RYR2: variants seen among roughly 807,000 people sequenced by gnomAD.
RYR2 encodes cardiac muscle ryanodine receptor-calcium release channel.
Under a neutral mutation model 601.1 loss-of-function variants are expected in RYR2, and 227 were observed. The observed-to-expected ratio is 0.38, with a 90% CI of 0.34 to 0.42. The LOEUF is 0.42. Among genes scored for constraint, RYR2 ranks in the 10% least tolerant of loss-of-function variants. The pLI is 1.00. For synonymous variants in RYR2, 2,223 were observed against 2,175.1 expected (o/e 1.02, Z -0.61); for missense variants, 4,646 against 6,156.5 (o/e 0.75, Z 8.21).
At chr1:237,378,372 A>G (rs1394777386) in intron 8 of RYR2, among the ~76,000 whole-genome samples, 1 of 152,262 alleles carries the variant, frequency 6.6e-6, no homozygotes, top group Non-Finnish European at 1.5e-5. Flanking sequence ...TAGTTTTGCC[A>G]GAGAGTAGTC....
chr1:237,071,413 A>G lies in RYR2; in HGVS notation c.48+28844A>G, dbSNP rs536275554. The stretch of plus-strand genomic sequence containing the variant: ...TAATTTTTCTATTTTTAGTAGAGAC[A>G]AGGTTTCACTATGTTGGCCAGGCTG... On this transcript the variant is annotated intron_variant, in intron 1 of 104. Transcript: ENST00000366574. 9.9e-5 allele frequency among the ~76,000 whole-genome samples: 15 copies of G among 151,944 alleles called. No homozygotes were observed. The East Asian group carries it at 2.7e-3, about 28-fold the overall frequency.
Position 237,042,487 on chromosome 1 carries a change from C to G in RYR2, c.-35C>G. ...GCCGCCGCCGCCGAGCTCCGCGGGG[C>G]TCGGGAGCCGGCCCCGGCGAGGAGG... On this transcript the variant is annotated 5_prime_UTR_variant, in exon 1 of 105. Transcript: ENST00000366574. 1 of 1,244,888 alleles carries G rather than the reference C, an allele frequency of 8.0e-7. No individual in the cohort carries two copies. The highest frequency in any genetic ancestry group is 1.0e-6 in the Non-Finnish European group (1 of 986,112). The allele number at this position is 1,244,888 out of a possible 1,614,324, so 77.1% of individuals were successfully genotyped here.
chr1:237,099,412 A>C (rs1386576628), intron 1 of RYR2, among the ~76,000 whole-genome samples: 1 of 151,676 alleles, frequency 6.6e-6, no homozygotes, highest in Admixed American at 6.6e-5. Context: ...TAATTTTTAA[A>C]TTTTTCGTAG....
intron 1 of RYR2, among the ~76,000 whole-genome samples, chr1:237,103,660 C>T (rs926794195): frequency 6.6e-6 from 1 of 152,208 alleles, no homozygotes. Flanking sequence ...CATCCACCTG[C>T]CAGATTCAAG....
At chr1:237,801,367 CAA>C (rs71162423) in intron 97 of RYR2, among the ~76,000 whole-genome samples, 8,356 of 95,226 alleles carry the variant, frequency 0.088, 254 homozygotes, top group African/African-American at 0.23. Context: ...CCCATCTCTA[CAA>C]AAAAAAAAAA....
At chr1:237,671,544 TGA>T (rs140139821) in intron 58 of RYR2, among the ~76,000 whole-genome samples, 2 of 151,248 alleles carry the variant, frequency 1.3e-5, no homozygotes, top group South Asian at 2.1e-4. Context: ...TGTGTGCGTG[TGA>T]GAGAGAGAGA....
At chr1:237,391,714 A>G (rs1319583983) in intron 10 of RYR2, among the ~76,000 whole-genome samples, 4 of 152,126 alleles carry the variant, frequency 2.6e-5, no homozygotes, top group Non-Finnish European at 5.9e-5. Context: ...CAGTAGAGTT[A>G]CCTTTACCTT....
intron 1 of RYR2, among the ~76,000 whole-genome samples, chr1:237,228,229 G>A (rs919909034): frequency 2.0e-5 from 3 of 152,130 alleles, no homozygotes; most frequent in Admixed American, 1.3e-4. Context: ...TACGATGTTT[G>A]CTTTTTTATT....
intron 2 of RYR2, among the ~76,000 whole-genome samples, chr1:237,318,602 T>G (rs975682099): frequency 2.6e-5 from 4 of 152,172 alleles, no homozygotes; most frequent in Non-Finnish European, 5.9e-5. Flanking sequence ...ATTGAAAGGT[T>G]TTTTTTCTTT....
intron 6 of RYR2, among the ~76,000 whole-genome samples, chr1:237,372,405 G>C (rs1446034392): frequency 1.3e-5 from 2 of 152,142 alleles, no homozygotes; most frequent in Non-Finnish European, 2.9e-5. Context: ...AGTGAATATT[G>C]TAATTGTGAA....
chr1:237,160,711 C>T (rs1217511320), intron 1 of RYR2, among the ~76,000 whole-genome samples: 3 of 151,798 alleles, frequency 2.0e-5, no homozygotes, highest in African/African-American at 7.3e-5. Flanking sequence ...TTTACAGACT[C>T]AAGGTGATTG....
At chr1:237,412,701 T>G (rs1558775342) in intron 10 of RYR2, among the ~76,000 whole-genome samples, 1 of 152,162 alleles carries the variant, frequency 6.6e-6, no homozygotes. Flanking sequence ...CCTTCCTGAA[T>G]TCTGGCATCC....
intron 1 of RYR2, among the ~76,000 whole-genome samples, chr1:237,177,344 G>A (rs922056609): frequency 1.3e-5 from 2 of 152,130 alleles, no homozygotes; most frequent in Admixed American, 1.3e-4. Context: ...AAATGAAAAT[G>A]TAAGAGCACA....
intron 80 of RYR2, 34 bp from the exon 81 acceptor site, chr1:237,756,254 A>G (rs371953998): frequency 7.2e-6 from 10 of 1,394,412 alleles, no homozygotes; most frequent in Non-Finnish European, 9.2e-6. Context: ...GCTTACTGAT[A>G]CCCTCAACAT....
intron 80 of RYR2, among the ~76,000 whole-genome samples, chr1:237,750,988 TAGAATTACAA>T (rs1692491488): frequency 6.6e-6 from 1 of 152,236 alleles, no homozygotes; most frequent in South Asian, 2.1e-4. Context: ...CATGAAGATC[TAGAATTACAA>T]AGACTAGAGC....
chr1:237,667,977 G>A lies in RYR2; in HGVS notation c.8590+19G>A, dbSNP rs779738103. 9.1e-6 allele frequency: 14 copies of A among 1,537,766 alleles called. No homozygotes were observed. The highest frequency in any genetic ancestry group is 4.1e-5 in the African/African-American group (3 of 72,456). On this transcript the variant is annotated intron_variant, in intron 58 of 104. Transcript: ENST00000366574. ...TCCAAAGGTAATATTTTCTAAAAAC[G>A]TTTATTAAAAAATAATCTGAGCTCA...
At chr1:237,298,398 AGATTAT>A (rs1486154059) in intron 2 of RYR2, among the ~76,000 whole-genome samples, 1 of 152,212 alleles carries the variant, frequency 6.6e-6, no homozygotes, top group African/African-American at 2.4e-5. Flanking sequence ...TTTTAAAATC[AGATTAT>A]CAATGAGATG....
intron 16 of RYR2, 53 bp from the exon 17 acceptor site, chr1:237,469,039 A>T (rs1660388664): frequency 6.8e-7 from 1 of 1,464,856 alleles, no homozygotes; most frequent in Non-Finnish European, 9.6e-7. Context: ...AGCTTATCTC[A>T]ATTTTCGAGC....
chr1:237,369,356 A>T (rs1423103926), intron 5 of RYR2, among the ~76,000 whole-genome samples, 178 bp from the exon 6 acceptor site: 1 of 152,246 alleles, frequency 6.6e-6, no homozygotes, highest in Non-Finnish European at 1.5e-5. Flanking sequence ...TAGAGGTTAC[A>T]TTAACTTTAC....
Sources: gnomAD v4.1 joint callset for allele counts (sites outside exome capture counted in the v4.1 genomes callset) on GRCh38, gnomAD v4.1.1 for gene constraint, MANE v1.5 for transcripts, NCBI Gene and HGNC (gene_info 2026-07-23, HGNC 2026-07-21) for gene names.